CDK8: variants seen among roughly 807,000 people sequenced by gnomAD.
CDK8 encodes the protein cyclin dependent kinase 8, also known as cyclin-dependent kinase 8.
Under a neutral mutation model 71.5 loss-of-function variants are expected in CDK8, and 29 were observed. The observed-to-expected ratio is 0.41, with a 90% confidence interval of 0.30 to 0.55. The LOEUF (loss-of-function observed/expected upper bound fraction) is 0.55. Ranked by LOEUF, CDK8 falls within the 20% of genes least tolerant of loss-of-function variation. CDK8 has a pLI of 0.37. For missense variants in CDK8, 288 were observed against 572.6 expected, an observed-to-expected ratio of 0.50 and a Z score of 5.07; for synonymous variants, 161 against 192.1, an observed-to-expected ratio of 0.84 and a Z score of 1.34.
intron 3 of CDK8, among the ~76,000 whole-genome samples, chr13:26,352,446 G>A (rs1272920318): frequency 6.6e-6 from 1 of 152,138 alleles, no homozygotes; most frequent in East Asian, 1.9e-4. Context: ...TTGATCTCCT[G>A]ACCTCGTGAT....
intron 1 of CDK8, among the ~76,000 whole-genome samples, chr13:26,329,939 T>C (rs556655811): frequency 2.2e-4 from 34 of 152,238 alleles, no homozygotes; most frequent in Non-Finnish European, 4.6e-4. Flanking sequence ...TCCATGCTTC[T>C]GTAGTTTTGT....
intron 1 of CDK8, among the ~76,000 whole-genome samples, chr13:26,319,418 A>C (rs968337634): frequency 1.3e-5 from 2 of 151,974 alleles, no homozygotes; most frequent in East Asian, 3.9e-4. Flanking sequence ...GCAGTGAGCC[A>C]AGATCATGCC....
At chr13:26,329,295 G>C (rs946346987) in intron 1 of CDK8, among the ~76,000 whole-genome samples, 1 of 151,754 alleles carries the variant, frequency 6.6e-6, no homozygotes, top group African/African-American at 2.4e-5. Flanking sequence ...ATCTCTTAAA[G>C]GTGAATTTTC....
At chr13:26,372,510 G>A (rs1874737792) in intron 4 of CDK8, among the ~76,000 whole-genome samples, 1 of 152,154 alleles carries the variant, frequency 6.6e-6, no homozygotes, top group Non-Finnish European at 1.5e-5. Flanking sequence ...CATAGTTTGT[G>A]TGTATAAACA....
intron 1 of CDK8, among the ~76,000 whole-genome samples, chr13:26,292,452 A>G (rs1873346977): frequency 6.6e-6 from 1 of 152,220 alleles, no homozygotes; most frequent in African/African-American, 2.4e-5. Context: ...ATCACCCAGT[A>G]TTCTTATTCC....
At chr13:26,266,889 G>T (rs1872044278) in intron 1 of CDK8, among the ~76,000 whole-genome samples, 1 of 151,900 alleles carries the variant, frequency 6.6e-6, no homozygotes, top group South Asian at 2.1e-4. Context: ...TTCTTTTTCT[G>T]ATTATAAAAA....
chr13:26,382,780 T>A, intron 4 of CDK8, 34 bp from the exon 5 acceptor site: 2 of 1,367,332 alleles, frequency 1.5e-6, no homozygotes, highest in Non-Finnish European at 2.1e-6. Context: ...ACCACTACTG[T>A]CTACTGAAAA....
chr13:26,378,254 C>T (rs1875047050), intron 4 of CDK8, among the ~76,000 whole-genome samples: 1 of 152,096 alleles, frequency 6.6e-6, no homozygotes, highest in South Asian at 2.1e-4. Flanking sequence ...TTTATTTTTC[C>T]ATCAGAGTTG....
At chr13:26,320,603 G>A (rs2137946627) in intron 1 of CDK8, among the ~76,000 whole-genome samples, 1 of 152,052 alleles carries the variant, frequency 6.6e-6, no homozygotes, top group Middle Eastern at 3.4e-3. Flanking sequence ...TAACAGAATG[G>A]GAGAAAATAT....
At chr13:26,389,470 A>G (rs1056439138) in intron 6 of CDK8, among the ~76,000 whole-genome samples, 9 of 151,936 alleles carry the variant, frequency 5.9e-5, no homozygotes, top group African/African-American at 1.9e-4. Flanking sequence ...AAAAAGTTTT[A>G]AGCTTTTAAA....
intron 1 of CDK8, among the ~76,000 whole-genome samples, chr13:26,293,410 C>G (rs1445850388): frequency 6.6e-6 from 1 of 151,902 alleles, no homozygotes; most frequent in Non-Finnish European, 1.5e-5. Context: ...CATGACCAGC[C>G]TGGGCAACAC....
chr13:26,286,400 C>T (rs1454168737), intron 1 of CDK8, among the ~76,000 whole-genome samples: 3 of 152,118 alleles, frequency 2.0e-5, no homozygotes, highest in Non-Finnish European at 2.9e-5. Context: ...CAAACAAAAA[C>T]ATTAAATGGG....
chr13:26,385,475 C>T, intron 6 of CDK8, 133 bp downstream of exon 6: 1 of 676,600 alleles, frequency 1.5e-6, no homozygotes, highest in Non-Finnish European at 2.3e-6. Flanking sequence ...TGGCTCATGC[C>T]TGTAATCCAA....
chr13:26,351,171 ACTC>A (rs995793458), intron 3 of CDK8, among the ~76,000 whole-genome samples: 7 of 152,048 alleles, frequency 4.6e-5, no homozygotes, highest in African/African-American at 1.4e-4. Flanking sequence ...GAATTACTAT[ACTC>A]CTGTGAACTG....
intron 1 of CDK8, among the ~76,000 whole-genome samples, chr13:26,335,923 C>T (rs10162045): frequency 0.21 from 13,518 of 63,796 alleles, 2,021 homozygotes; most frequent in African/African-American, 0.51. Context: ...TCTTGCTTAA[C>T]AACAACAACA....
At position 26,254,849 on chromosome 13, in the gene CDK8, G is replaced by C. The variant is rs1049286047; in HGVS notation, c.128+80G>C. On this transcript the variant is annotated intron_variant, in intron 1 of 12. Coordinates refer to ENST00000381527, the MANE Select transcript of CDK8 (RefSeq NM_001260.3). This position sits in a 1 kb window ranked among gnomAD's most constrained non-coding sequence, Gnocchi z 6.7. ...AGGCAGGTAGCCCGGAGGGAGAGCG[G>C]GCCGCCGGGGTGCCGGGCTCTGACT... is the stretch of plus-strand genomic sequence containing the variant. 1.5e-4 allele frequency: 226 copies of C among 1,553,128 alleles called. No homozygotes were observed. Among genetic ancestry groups the C allele is most frequent in the Non-Finnish European group, 1.8e-4 (203 of 1,146,140 alleles).
chr13:26,370,501 C>T (rs117560098), intron 4 of CDK8, among the ~76,000 whole-genome samples: 2,120 of 152,236 alleles, frequency 0.014, 13 homozygotes, highest in South Asian at 0.022. Context: ...AGGAAACTTC[C>T]AAGCATCAAA....
At chr13:26,346,455 A>G (rs1779472004) in intron 2 of CDK8, among the ~76,000 whole-genome samples, 1 of 152,212 alleles carries the variant, frequency 6.6e-6, no homozygotes, top group Admixed American at 6.5e-5. Flanking sequence ...TATAATTTAC[A>G]CCCTGCCAAT....
intron 3 of CDK8, among the ~76,000 whole-genome samples, chr13:26,351,746 T>C (rs1873687536): frequency 6.6e-6 from 1 of 152,182 alleles, no homozygotes; most frequent in Non-Finnish European, 1.5e-5. Flanking sequence ...ATGTTCATTT[T>C]CATAAAAAAC....
Sources: allele counts gnomAD v4.1 joint callset (sites outside exome capture counted in the v4.1 genomes callset), GRCh38; gene constraint gnomAD v4.1.1; non-coding constraint Gnocchi (gnomAD v3.1); transcripts MANE v1.5; gene names NCBI Gene and HGNC (gene_info 2026-07-23, HGNC 2026-07-21).